Variants in RANBP2 observed in about 807,000 individuals in gnomAD.
RANBP2 encodes the protein E3 SUMO-protein ligase RanBP2.
In RANBP2, 57 loss-of-function variants were observed where a neutral mutation model predicts 303.6. The ratio of observed to expected loss-of-function variants is 0.19; its 90% CI spans 0.15 to 0.23. RANBP2 has a LOEUF of 0.23. Among genes scored for constraint, RANBP2 ranks in the 10% least tolerant of loss-of-function variants. The pLI, the probability that RANBP2 is intolerant of heterozygous loss-of-function variation, is 1.00. For synonymous variants in RANBP2, 1,167 were observed against 1,301.5 expected (o/e 0.90, Z 2.23); for missense variants, 3,138 against 3,780.8 (o/e 0.83, Z 4.46).
At chr2:109,007,599 C>CT in the RANBP2 span, among the ~76,000 whole-genome samples, 1 of 152,366 alleles carries the variant, frequency 6.6e-6, no homozygotes, top group Non-Finnish European at 1.5e-5. Context: ...GAGCTCCCCT[C>CT]TGACTCCCTC....
At chr2:108,896,825 A>C in the RANBP2 span, 1 of 1,383,162 alleles carries the variant, frequency 7.2e-7, no homozygotes, top group African/African-American at 1.4e-5. Flanking sequence ...GATTCTTGGC[A>C]GTCTTTTGGC....
At chr2:108,839,206 C>T in the RANBP2 span, 2 of 1,610,354 alleles carry the variant, frequency 1.2e-6, no homozygotes, top group African/African-American at 2.7e-5. Flanking sequence ...AATGACAGAG[C>T]AGCTACAGTG....
the RANBP2 span, among the ~76,000 whole-genome samples, chr2:109,141,947 G>A: frequency 3.3e-5 from 5 of 152,124 alleles, no homozygotes; most frequent in South Asian, 2.1e-4. Flanking sequence ...CTACACTCAC[G>A]GAAGTCTCAA....
chr2:109,003,123 T>C, the RANBP2 span, among the ~76,000 whole-genome samples: 1 of 147,556 alleles, frequency 6.8e-6, no homozygotes, highest in Non-Finnish European at 1.5e-5. Flanking sequence ...GAAGAATCGC[T>C]TGAACTCGGG....
the RANBP2 span, among the ~76,000 whole-genome samples, chr2:109,345,722 C>T: frequency 0.18 from 27,393 of 152,120 alleles, 2,628 homozygotes; most frequent in African/African-American, 0.24. Flanking sequence ...TTAAAGTATT[C>T]GTAGACTAAG....
At chr2:109,437,114 C>T in the RANBP2 span, 5,095 of 1,612,660 alleles carry the variant, frequency 3.2e-3, 116 homozygotes, top group East Asian at 0.052. Flanking sequence ...GCCCAGCCAA[C>T]GGCCAGCCAA....
chr2:109,428,544 G>A, the RANBP2 span, among the ~76,000 whole-genome samples: 4 of 152,210 alleles, frequency 2.6e-5, no homozygotes, highest in Non-Finnish European at 5.9e-5. Context: ...CACACCTGCC[G>A]CGGCCACTTC....
chr2:109,619,511 C>G, the RANBP2 span, among the ~76,000 whole-genome samples: 1 of 152,222 alleles, frequency 6.6e-6, no homozygotes, highest in East Asian at 1.9e-4. Context: ...CAAAATTCAA[C>G]TCTGTTGAAT....
the RANBP2 span, chr2:109,567,874 G>A: frequency 6.2e-7 from 1 of 1,613,890 alleles, no homozygotes; most frequent in Non-Finnish European, 8.5e-7. Flanking sequence ...TGGTATATCT[G>A]GACGCCATTG....
chr2:109,705,843 T>C, the RANBP2 span, among the ~76,000 whole-genome samples: 4 of 152,140 alleles, frequency 2.6e-5, no homozygotes, highest in Admixed American at 2.6e-4. Flanking sequence ...TTTTAGGAAA[T>C]GGTTATCTAA....
the RANBP2 span, among the ~76,000 whole-genome samples, chr2:109,653,390 G>A: frequency 8.6e-6 from 1 of 116,316 alleles, no homozygotes; most frequent in African/African-American, 2.7e-5. Flanking sequence ...ACTAGATTTC[G>A]TCTCAAAAAA....
At chr2:109,625,087 CAAAAAA>C in the RANBP2 span, among the ~76,000 whole-genome samples, 15 of 60,090 alleles carry the variant, frequency 2.5e-4, no homozygotes, top group African/African-American at 5.4e-4. Flanking sequence ...ACAACAACAA[CAAAAAA>C]AAAAAAAAAA....
chr2:109,469,105 C>T, the RANBP2 span, among the ~76,000 whole-genome samples: 1 of 152,164 alleles, frequency 6.6e-6, no homozygotes, highest in Non-Finnish European at 1.5e-5. Flanking sequence ...TGTGGCTTTG[C>T]ACCTTGTGGC....
the RANBP2 span, among the ~76,000 whole-genome samples, chr2:108,978,289 C>T: frequency 1.3e-5 from 2 of 152,146 alleles, no homozygotes; most frequent in Admixed American, 6.5e-5. Flanking sequence ...TTAAATACAC[C>T]ATCCATGTCT....
chr2:109,488,643 G>A, the RANBP2 span, among the ~76,000 whole-genome samples: 63 of 152,270 alleles, frequency 4.1e-4, no homozygotes, highest in African/African-American at 1.5e-3. Context: ...AGCAGTTCCC[G>A]ATGTGTGTTC....
At chr2:109,614,158 A>G in the RANBP2 span, 1 of 1,190,252 alleles carries the variant, frequency 8.4e-7, no homozygotes, top group Non-Finnish European at 1.0e-6. Flanking sequence ...CGAGGAATGC[A>G]GGCGGGAACT....
the RANBP2 span, among the ~76,000 whole-genome samples, chr2:109,081,418 C>T: frequency 4.6e-5 from 7 of 152,142 alleles, no homozygotes; most frequent in Non-Finnish European, 7.3e-5. Flanking sequence ...ATCTGTGGTC[C>T]CCAACAACAG....
At chr2:109,050,520 G>A in the RANBP2 span, among the ~76,000 whole-genome samples, 1 of 152,108 alleles carries the variant, frequency 6.6e-6, no homozygotes, top group Non-Finnish European at 1.5e-5. Flanking sequence ...CTCCCATAGT[G>A]CTGGGATTAC....
chr2:108,850,127 G>A, the RANBP2 span, among the ~76,000 whole-genome samples: 2 of 152,062 alleles, frequency 1.3e-5, no homozygotes, highest in Admixed American at 6.6e-5. Context: ...ATCCTTTATC[G>A]TTAAATATAC....
Sources: gnomAD v4.1 joint callset for allele counts (sites outside exome capture counted in the v4.1 genomes callset) on GRCh38, gnomAD v4.1.1 for gene constraint, MANE v1.5 for transcripts, NCBI Gene and HGNC (gene_info 2026-07-23, HGNC 2026-07-21) for gene names.